The following RELN variants were observed in gnomAD, a reference collection of about 807,000 sequenced individuals.
The protein encoded by RELN is reelin.
In RELN, 108 loss-of-function variants were observed where a neutral mutation model predicts 427.6. The observed-to-expected ratio is 0.25, with a 90% CI of 0.22 to 0.30. RELN has a LOEUF of 0.30. Among genes scored for constraint, RELN ranks in the 10% least tolerant of loss-of-function variants. RELN has a pLI of 1.00. For missense variants in RELN, 3,715 were observed against 4,302.8 expected, an observed-to-expected ratio of 0.86 and a Z score of 3.82; for synonymous variants, 1,524 against 1,513.4, an observed-to-expected ratio of 1.01 and a Z score of -0.16.
rs544409113 is a variant in RELN at position 103,734,121 on chromosome 7, C to T, written c.657-5914G>A. ...AAAAACTACTGTTGTTTATTGCCGACGTATAAATCTGTAACCTCACAATTA... is the reference window on the plus strand; with the variant it reads ...AAAAACTACTGTTGTTTATTGCCGATGTATAAATCTGTAACCTCACAATTA... On this transcript the variant is annotated intron_variant, in intron 6 of 64. Transcript: ENST00000428762. Among the ~76,000 whole-genome samples the T allele has an allele frequency of 1.6e-4, 25 of 152,208 alleles. No homozygotes were observed. The South Asian group carries it at 2.7e-3, about 16-fold the overall frequency.
At chr7:103,718,158 A>G (rs1197373270) in intron 8 of RELN, among the ~76,000 whole-genome samples, 1 of 152,084 alleles carries the variant, frequency 6.6e-6, no homozygotes, top group Non-Finnish European at 1.5e-5. Flanking sequence ...TTCAAAATAC[A>G]CTCGTGTAAA....
intron 40 of RELN, among the ~76,000 whole-genome samples, chr7:103,552,330 A>C (rs1487355993): frequency 6.6e-6 from 1 of 152,136 alleles, no homozygotes; most frequent in African/African-American, 2.4e-5. Flanking sequence ...CCACTTATTG[A>C]TATACACAGT....
At chr7:103,704,729 C>T (rs1419835595) in intron 8 of RELN, among the ~76,000 whole-genome samples, 4 of 151,932 alleles carry the variant, frequency 2.6e-5, no homozygotes, top group African/African-American at 7.2e-5. Context: ...TCTGCTCCTT[C>T]CCTTCCTATT....
intron 1 of RELN, among the ~76,000 whole-genome samples, chr7:103,937,885 A>G (rs951665178): frequency 6.6e-6 from 1 of 152,222 alleles, no homozygotes; most frequent in Non-Finnish European, 1.5e-5. Flanking sequence ...CAGGCTCAGT[A>G]TAAACACCAG....
At chr7:103,570,028 G>A (rs1830845493) in intron 31 of RELN, among the ~76,000 whole-genome samples, 1 of 152,182 alleles carries the variant, frequency 6.6e-6, no homozygotes, top group African/African-American at 2.4e-5. Context: ...ATTTGTTCAA[G>A]GATTTAAGCA....
chr7:103,490,002 G>A, intron 59 of RELN, 103 bp from the exon 60 acceptor site: 1 of 1,385,866 alleles, frequency 7.2e-7, no homozygotes, highest in Non-Finnish European at 1.0e-6. Context: ...TGAGAAAAGG[G>A]CTTCCCAAAT....
chr7:103,738,824 A>T (rs1790563506), intron 6 of RELN, among the ~76,000 whole-genome samples: 1 of 151,606 alleles, frequency 6.6e-6, no homozygotes, highest in South Asian at 2.1e-4. Context: ...CTGGGACTAC[A>T]GCTGCATGCC....
chr7:103,754,829 C>T lies in RELN; in HGVS notation c.545-1615G>A, dbSNP rs545909834. Among the ~76,000 whole-genome samples the T allele has an allele frequency of 7.9e-5, 12 of 152,110 alleles. No individual in the cohort carries two copies. The South Asian group carries it at 1.2e-3, about 16-fold the overall frequency. ...AATGCACAGTCAAATATATATTTAA[C>T]GGACAGGTGGAAGAAGACAAGCTAG... On this transcript the variant is annotated intron_variant, in intron 4 of 64. Transcript: ENST00000428762.
intron 2 of RELN, among the ~76,000 whole-genome samples, chr7:103,841,283 A>C (rs1848959): frequency 0.12 from 18,528 of 152,250 alleles, 1,247 homozygotes; most frequent in East Asian, 0.27. Context: ...CTGTACCAAC[A>C]ATCAATATCA....
chr7:103,621,763 C>G (rs1832222894), intron 20 of RELN, among the ~76,000 whole-genome samples: 1 of 152,174 alleles, frequency 6.6e-6, no homozygotes, highest in South Asian at 2.1e-4. Context: ...TGCTTGTGAT[C>G]TGAGCACTTT....
chr7:103,719,503 G>A (rs1790023021), intron 8 of RELN, among the ~76,000 whole-genome samples: 1 of 152,142 alleles, frequency 6.6e-6, no homozygotes, highest in Admixed American at 6.6e-5. Flanking sequence ...GTTAAGTGCT[G>A]TAAAAACGTT....
intron 2 of RELN, among the ~76,000 whole-genome samples, chr7:103,855,461 G>C (rs941866076): frequency 6.6e-6 from 1 of 152,220 alleles, no homozygotes; most frequent in African/African-American, 2.4e-5. Context: ...CAGACCAAGA[G>C]AGCACCAAGG....
Position 103,768,997 on chromosome 7 carries a change from C to T in RELN, c.544+7560G>A, listed in dbSNP as rs769112409. ...GTAAACAAATTACAAAACAGAGATA[C>T]ATTTTTAAAAAATTAAACATTCACA... On this transcript the variant is annotated intron_variant, in intron 4 of 64. Coordinates refer to ENST00000428762, the MANE Select transcript of RELN (RefSeq NM_005045.4). Among the ~76,000 whole-genome samples the T allele has an allele frequency of 9.3e-4, 142 of 152,282 alleles. No individual in the cohort carries two copies. The Middle Eastern group carries it at 0.014, about 15-fold the overall frequency.
chr7:103,682,769 T>C (rs1444069728), intron 10 of RELN, among the ~76,000 whole-genome samples: 1 of 152,210 alleles, frequency 6.6e-6, no homozygotes, highest in Non-Finnish European at 1.5e-5. Flanking sequence ...AACCCAGATA[T>C]AATCACATAT....
Position 103,553,452 on chromosome 7 carries a change from G to C in RELN, c.6072+9C>G. On this transcript the variant is annotated intron_variant, in intron 40 of 64. Transcript: ENST00000428762. The stretch of plus-strand genomic sequence containing the variant: ...TTTAAAGCATTTATTATAGAACAAA[G>C]TCAAGTACCTCAAATTGTATGATGG... 6.3e-7 allele frequency: 1 copy of C among 1,597,608 alleles called. No individual in the cohort carries two copies. Among genetic ancestry groups the C allele is most frequent in the South Asian group, 1.1e-5 (1 of 90,676 alleles).
Position 103,565,262 on chromosome 7 carries a change from A to G in RELN, c.5210+16T>C, listed in dbSNP as rs760583507. On this transcript the variant is annotated intron_variant, in intron 34 of 64. Transcript: ENST00000428762. ...GCACCCAAAGTTCTGACATGTAGCC[A>G]AATGACAATTCTCACATGGTGGAGA... 7 of 1,613,940 alleles carry G rather than the reference A, an allele frequency of 4.3e-6. No individual in the cohort carries two copies. The South Asian group carries it at 5.5e-5, about 13-fold the overall frequency.
At position 103,569,976 on chromosome 7, in the gene RELN, G is replaced by C. The variant is rs749455950; in HGVS notation, c.4588+2208C>G. 2.0e-5 allele frequency among the ~76,000 whole-genome samples: 3 copies of C among 152,210 alleles called. No individual in the cohort carries two copies. The highest frequency in any genetic ancestry group is 2.9e-5 in the Non-Finnish European group (2 of 68,044). ...TCCAAATATGTAAATTGATGCTTCA[G>C]CTTGAGTAAGTAAAGAATCTCTACT... On this transcript the variant is annotated intron_variant, in intron 31 of 64. Transcript: ENST00000428762. This position sits in a 1 kb window ranked among gnomAD's most constrained non-coding sequence, Gnocchi z 4.0.
chr7:103,973,638 G>A (rs1312110986), intron 1 of RELN, among the ~76,000 whole-genome samples: 1 of 152,022 alleles, frequency 6.6e-6, no homozygotes, highest in African/African-American at 2.4e-5. Context: ...AAAAACACCT[G>A]AAATGTGAAA....
intron 31 of RELN, 73 bp downstream of exon 31, chr7:103,572,111 G>T: frequency 1.1e-6 from 1 of 870,842 alleles, no homozygotes; most frequent in Non-Finnish European, 2.0e-6. Context: ...CAAAATCCTG[G>T]CCAAACTTTG....
Sources: gnomAD v4.1 joint callset for allele counts (sites outside exome capture counted in the v4.1 genomes callset) on GRCh38, gnomAD v4.1.1 for gene constraint, Gnocchi (gnomAD v3.1) non-coding constraint, MANE v1.5 for transcripts, NCBI Gene and HGNC (gene_info 2026-07-23, HGNC 2026-07-21) for gene names.